AXDND1: variants seen among roughly 807,000 people sequenced by gnomAD.
The protein encoded by AXDND1 is axonemal dynein light chain domain-containing protein 1.
A neutral mutation model predicts 137.5 loss-of-function variants in AXDND1; 110 were observed. The observed-to-expected ratio is 0.80, with a 90% CI of 0.69 to 0.94. The LOEUF (loss-of-function observed/expected upper bound fraction) is 0.94, where lower values mean the gene tolerates loss of function less well. Among genes scored for constraint, AXDND1 ranks in the 40% least tolerant of loss-of-function variants. The probability of loss-of-function intolerance (pLI) is 0.00; values close to 1 mark genes in which losing one functional copy is unlikely to be tolerated. For synonymous variants in AXDND1, 414 were observed against 399.7 expected (o/e 1.04, Z -0.43); for missense variants, 1,191 against 1,169.8 (o/e 1.02, Z -0.26).
intron 16 of AXDND1, among the ~76,000 whole-genome samples, chr1:179,460,679 G>A (rs1036814639): frequency 3.3e-5 from 5 of 152,188 alleles, no homozygotes. Flanking sequence ...GTGTAAAAGT[G>A]TTCCTATTTC....
At chr1:179,374,170 A>G (rs1008279950) in intron 4 of AXDND1, among the ~76,000 whole-genome samples, 4 of 152,232 alleles carry the variant, frequency 2.6e-5, no homozygotes, top group Non-Finnish European at 5.9e-5. Flanking sequence ...CAAAGGATAC[A>G]AACAGACACT....
At position 179,513,531 on chromosome 1, in the gene AXDND1, T is replaced by C. The variant is rs116599609; in HGVS notation, c.2496+4128T>C. ...GATGTCAGTCTGTGGTTTTCTTTTTTAGATATGTCCTTTCCTGGTTTTGGT... is the reference window on the plus strand; with the variant it reads ...GATGTCAGTCTGTGGTTTTCTTTTTCAGATATGTCCTTTCCTGGTTTTGGT... On this transcript the variant is annotated intron_variant, in intron 21 of 25. Coordinates refer to ENST00000367618, the MANE Select transcript of AXDND1 (RefSeq NM_144696.6). Among the ~76,000 whole-genome samples, 615 of 152,256 alleles carry C rather than the reference T, an allele frequency of 4.0e-3. 5 individuals carry two copies. Among genetic ancestry groups the C allele is most frequent in the African/African-American group, 0.014 (593 of 41,564 alleles).
chr1:179,514,937 T>C (rs1669393670), intron 21 of AXDND1, among the ~76,000 whole-genome samples: 1 of 152,176 alleles, frequency 6.6e-6, no homozygotes, highest in African/African-American at 2.4e-5. Flanking sequence ...ACCTTTTTAT[T>C]TCAGTTTATG....
intron 16 of AXDND1, chr1:179,455,954 C>CA (rs962318449): frequency 4.2e-3 from 956 of 228,134 alleles, no homozygotes; most frequent in South Asian, 0.012. Flanking sequence ...GCATGGGTGC[C>CA]AAAAAAAAAA....
chr1:179,540,072 G>T (rs1410566258), intron 25 of AXDND1, among the ~76,000 whole-genome samples: 1 of 151,878 alleles, frequency 6.6e-6, no homozygotes, highest in African/African-American at 2.4e-5. Context: ...TACCCTGGTT[G>T]TTCTAGTTAG....
intron 5 of AXDND1, 26 bp from the exon 6 acceptor site, chr1:179,379,371 T>C (rs1010465018): frequency 7.5e-6 from 12 of 1,602,606 alleles, no homozygotes; most frequent in Non-Finnish European, 9.4e-6. Flanking sequence ...ATTCATTCTT[T>C]TATTTTGCTT....
At chr1:179,545,507 C>G (rs1396451114) in intron 25 of AXDND1, 1 of 152,194 alleles carries the variant, frequency 6.6e-6, no homozygotes, top group African/African-American at 2.4e-5. Flanking sequence ...TGGCAGTGCT[C>G]CTGGCCCAAA....
intron 16 of AXDND1, chr1:179,456,012 C>T: frequency 2.9e-6 from 1 of 347,028 alleles, no homozygotes; most frequent in South Asian, 2.4e-5. Context: ...TTTCACAGAA[C>T]ACAAACTAAA....
chr1:179,396,095 GGAGGCA>G (rs761860217), intron 11 of AXDND1, among the ~76,000 whole-genome samples: 4 of 151,312 alleles, frequency 2.6e-5, no homozygotes, highest in Non-Finnish European at 4.4e-5. Flanking sequence ...CTTGAACCCA[GGAGGCA>G]GAGGTTGCAG....
At chr1:179,409,246 A>G (rs1653473083) in intron 11 of AXDND1, among the ~76,000 whole-genome samples, 1 of 151,502 alleles carries the variant, frequency 6.6e-6, no homozygotes, top group South Asian at 2.1e-4. Context: ...CTTGATTTCT[A>G]CTGGTTCATT....
chr1:179,405,692 G>C (rs1337378202), intron 11 of AXDND1, among the ~76,000 whole-genome samples: 17 of 148,982 alleles, frequency 1.1e-4, no homozygotes, highest in Non-Finnish European at 3.0e-5. Flanking sequence ...ATATTTCAGT[G>C]GTATCAGTTA....
At chr1:179,435,951 C>T (rs1478542779) in intron 15 of AXDND1, among the ~76,000 whole-genome samples, 1 of 151,820 alleles carries the variant, frequency 6.6e-6, no homozygotes, top group Non-Finnish European at 1.5e-5. Context: ...TGACAGAGGT[C>T]TAATATCCAG....
Position 179,492,964 on chromosome 1 carries a change from T to C in AXDND1, c.2388+13T>C, listed in dbSNP as rs116180193. 3.1e-3 allele frequency: 4,788 copies of C among 1,538,226 alleles called. 130 individuals are homozygous for C. The African/African-American group carries it at 0.059, about 19-fold the overall frequency. On this transcript the variant is annotated intron_variant, in intron 20 of 25. Transcript: ENST00000367618. ...GGATAAGTTGAAGGTAATAACTCTG[T>C]CTTCCCCTTAGTTTTGTTTTTGTTT...
chr1:179,417,985 TTTTA>T lies in AXDND1; in HGVS notation c.1230+6735_1230+6738del, dbSNP rs949542365. Among the ~76,000 whole-genome samples, 12 of 148,706 alleles carry T rather than the reference TTTTA, an allele frequency of 8.1e-5. No homozygotes were observed. The South Asian group carries it at 1.9e-3, about 24-fold the overall frequency. ...TTTTATTTTTATTTATTTATTTTTATTTTATTTATTTATTTATTTTTTTATTGAT... is the reference window on the plus strand; with the variant it reads ...TTTTATTTTTATTTATTTATTTTTATTTTATTTATTTATTTTTTTATTGAT... On this transcript the variant is annotated intron_variant, in intron 12 of 25. Coordinates refer to ENST00000367618, the MANE Select transcript of AXDND1 (RefSeq NM_144696.6).
chr1:179,511,397 T>C (rs918325006), intron 21 of AXDND1, among the ~76,000 whole-genome samples: 17 of 148,524 alleles, frequency 1.1e-4, no homozygotes, highest in African/African-American at 4.2e-4. Flanking sequence ...ATATGGGGTG[T>C]GTGTGTGTGT....
At chr1:179,434,400 A>G (rs1215536991) in intron 15 of AXDND1, among the ~76,000 whole-genome samples, 2 of 152,190 alleles carry the variant, frequency 1.3e-5, no homozygotes, top group Non-Finnish European at 2.9e-5. Flanking sequence ...CACAACAAAA[A>G]AAAGAAAACT....
intron 9 of AXDND1, 96 bp downstream of exon 9, chr1:179,385,455 C>G: frequency 1.5e-6 from 2 of 1,360,816 alleles, no homozygotes; most frequent in East Asian, 2.3e-5. Flanking sequence ...AAGTGCACTT[C>G]TCTATTCTAC....
intron 4 of AXDND1, among the ~76,000 whole-genome samples, chr1:179,373,720 A>G (rs1668279980): frequency 6.6e-6 from 1 of 152,216 alleles, no homozygotes; most frequent in Non-Finnish European, 1.5e-5. Flanking sequence ...AAAACAAGCA[A>G]TGGAGAAAGG....
chr1:179,392,441 T>C (rs1650351201), intron 9 of AXDND1, among the ~76,000 whole-genome samples: 1 of 152,254 alleles, frequency 6.6e-6, no homozygotes, highest in African/African-American at 2.4e-5. Flanking sequence ...AACATGCATG[T>C]GCATGTGTCT....
Sources: allele counts gnomAD v4.1 joint callset (sites outside exome capture counted in the v4.1 genomes callset), GRCh38; gene constraint gnomAD v4.1.1; transcripts MANE v1.5; gene names NCBI Gene and HGNC (gene_info 2026-07-23, HGNC 2026-07-21).